The following IGF2 variants were observed in gnomAD, a reference collection of about 807,000 sequenced individuals.
IGF2 encodes the protein insulin-like growth factor 2.
IGF2 carries 2 observed loss-of-function variants against 12.0 expected under a neutral mutation model. That is an observed-to-expected ratio of 0.17 (90% CI 0.07 to 0.52). The LOEUF is 0.52. Ranked by LOEUF, IGF2 falls within the 20% of genes least tolerant of loss-of-function variation. IGF2 has a pLI of 0.95. For synonymous variants in IGF2, 105 were observed against 110.1 expected, an observed-to-expected ratio of 0.95 and a Z score of 0.29; for missense variants, 211 against 268.0, an observed-to-expected ratio of 0.79 and a Z score of 1.48.
upstream of IGF2, chr11:2,146,211 A>G: frequency 1.9e-6 from 1 of 526,000 alleles, no homozygotes; most frequent in Non-Finnish European, 3.8e-6. Flanking sequence ...ACCAGCCCTG[A>G]AGTGGGCCTT....
upstream of IGF2, among the ~76,000 whole-genome samples, chr11:2,142,070 G>A (rs1313823567): frequency 2.6e-5 from 4 of 152,100 alleles, no homozygotes; most frequent in South Asian, 2.1e-4. This position sits in a 1 kb window ranked among gnomAD's most constrained non-coding sequence, Gnocchi z 5.7. Context: ...CTTATAGGTC[G>A]CAGGTTTTTC....
Position 2,131,968 on chromosome 11 carries a change from ATG to A in IGF2, c.*1017_*1018del, listed in dbSNP as rs375635884. The stretch of plus-strand genomic sequence containing the variant: ...CCGTGCGTTTGTGTGCTGTGTGTGC[ATG>A]TGTGTGCGTGTGTGTGCTGTGCGTT... On this transcript the variant is annotated 3_prime_UTR_variant, in exon 4 of 4. Coordinates refer to ENST00000416167, the MANE Select transcript of IGF2 (RefSeq NM_000612.6). 1,128 of 97,060 alleles carry A rather than the reference ATG, an allele frequency of 0.012. 15 individuals are homozygous for A. Among genetic ancestry groups the A allele is most frequent in the African/African-American group, 0.057 (1,063 of 18,522 alleles). The allele number at this position is 97,060 out of a possible 1,614,324, so 6.0% of individuals were successfully genotyped here.
At chr11:2,135,340 C>G in intron 2 of IGF2, 27 bp downstream of exon 2, 7 of 1,582,832 alleles carry the variant, frequency 4.4e-6, no homozygotes, top group Non-Finnish European at 6.0e-6. Flanking sequence ...CTGACCAGGT[C>G]TGAGGAAGCC....
the IGF2 span, chr11:2,147,328 G>T: frequency 2.7e-6 from 1 of 373,370 alleles, no homozygotes; most frequent in East Asian, 3.9e-5. The surrounding 1 kb of genome is among the most constrained non-coding windows in gnomAD (Gnocchi z 7.2). Context: ...GAGCTCCCCT[G>T]CCAGGACCTC....
At chr11:2,136,890 G>A (rs897536819) in intron 1 of IGF2, among the ~76,000 whole-genome samples, 4 of 152,362 alleles carry the variant, frequency 2.6e-5, no homozygotes, top group African/African-American at 9.6e-5. Context: ...TCAGGGGACC[G>A]GCAGAAAGCA....
chr11:2,135,699 CG>C (rs1271716225), intron 1 of IGF2, among the ~76,000 whole-genome samples, 170 bp from the exon 2 acceptor site: 5 of 152,216 alleles, frequency 3.3e-5, no homozygotes, highest in Non-Finnish European at 7.4e-5. Flanking sequence ...GTCATAATGC[CG>C]AGGTGAGGGC....
chr11:2,135,889 G>A (rs1216213363), intron 1 of IGF2, among the ~76,000 whole-genome samples: 12 of 152,280 alleles, frequency 7.9e-5, no homozygotes, highest in Admixed American at 4.6e-4. Flanking sequence ...CCTGGCCTCC[G>A]TCCTATGACA....
chr11:2,149,129 T>G, the IGF2 span: 100 of 1,612,936 alleles, frequency 6.2e-5, no homozygotes, highest in African/African-American at 1.3e-3. Flanking sequence ...CAGTTACCTG[T>G]ACTCTAGTCC....
the IGF2 span, chr11:2,147,300 C>T: frequency 2.9e-6 from 1 of 345,158 alleles, no homozygotes. The surrounding 1 kb of genome is among the most constrained non-coding windows in gnomAD (Gnocchi z 7.2). Flanking sequence ...CCCTTCTTTG[C>T]CCTCTTTCGT....
In IGF2 at chr11:2,131,886, TTGTGTG is replaced by T. The variant is rs1361799148; in HGVS notation, c.*1095_*1100del. 55 of 150,740 alleles carry T rather than the reference TTGTGTG, an allele frequency of 3.6e-4. No individual in the cohort carries two copies. The highest frequency in any genetic ancestry group is 5.2e-4 in the Non-Finnish European group (42 of 80,704). 9.3% of individuals were successfully genotyped at this position (150,740 alleles called of 1,614,324 possible). Reference sequence around the variant, plus strand: ...CTGTGTGTGCGTGTGTGCTGTGCGTTTGTGTGTGCTGTGCGTTTGTGTGTGTGCTGT... The same window carrying T: ...CTGTGTGTGCGTGTGTGCTGTGCGTTTGCTGTGCGTTTGTGTGTGTGCTGT... On this transcript the variant is annotated 3_prime_UTR_variant, in exon 4 of 4. Coordinates refer to ENST00000416167, the MANE Select transcript of IGF2 (RefSeq NM_000612.6).
rs1858790303 is a variant in IGF2 at position 2,133,728 on chromosome 11, C to T, written c.158-63G>A. On this transcript the variant is annotated intron_variant, in intron 2 of 3. Transcript: ENST00000416167. This position sits in a 1 kb window ranked among gnomAD's most constrained non-coding sequence, Gnocchi z 8.9. Reference sequence around the variant, plus strand: ...CCGCACTGACCCCAGCCCCCGGAGGCTGAAGGGGGAGCAAACCACCCCTGC... The same window carrying T: ...CCGCACTGACCCCAGCCCCCGGAGGTTGAAGGGGGAGCAAACCACCCCTGC... The T allele has an allele frequency of 5.0e-6, 8 of 1,589,618 alleles. No individual in the cohort carries two copies. The highest frequency in any genetic ancestry group is 6.0e-6 in the Non-Finnish European group (7 of 1,168,214).
In IGF2 at chr11:2,131,838, T is replaced by G. The variant is rs1202220963; in HGVS notation, c.*1149A>C. 5.1e-6 allele frequency: 1 copy of G among 196,984 alleles called. No individual in the cohort carries two copies. The highest frequency in any genetic ancestry group is 1.0e-5 in the Non-Finnish European group (1 of 97,504). 12.2% of individuals were successfully genotyped at this position (196,984 alleles called of 1,614,324 possible). On this transcript the variant is annotated 3_prime_UTR_variant, in exon 4 of 4. Transcript: ENST00000416167. The stretch of plus-strand genomic sequence containing the variant: ...TGTGTGTGCGTGTGCTGTGCGTTTG[T>G]GTGCTGTGTGCTCGTGTGTGTGCTG...
At position 2,129,381 on chromosome 11, in the gene IGF2, G is replaced by A. The variant is rs982977157; in HGVS notation, c.*3606C>T. Reference sequence around the variant, plus strand: ...GGGAGGAGACAAGATGGAGAGCCACGACTAGGCACGGAGGTCAGACAGGCA... The same window carrying A: ...GGGAGGAGACAAGATGGAGAGCCACAACTAGGCACGGAGGTCAGACAGGCA... On this transcript the variant is annotated 3_prime_UTR_variant, in exon 4 of 4. Transcript: ENST00000416167. This position sits in a 1 kb window ranked among gnomAD's most constrained non-coding sequence, Gnocchi z 8.1. 2 of 227,840 alleles carry A rather than the reference G, an allele frequency of 8.8e-6. No homozygotes were observed. Among genetic ancestry groups the A allele is most frequent in the East Asian group, 6.3e-5 (1 of 15,968 alleles). The allele number at this position is 227,840 out of a possible 1,614,324, so 14.1% of individuals were successfully genotyped here. A position where few individuals can be genotyped will look rare whatever the true frequency, so the allele number is the denominator to read the frequency against.
chr11:2,142,327 C>G (rs17881164), upstream of IGF2, among the ~76,000 whole-genome samples: 2,026 of 152,096 alleles, frequency 0.013, 43 homozygotes, highest in African/African-American at 0.046. The surrounding 1 kb of genome is among the most constrained non-coding windows in gnomAD (Gnocchi z 5.7). Flanking sequence ...ATCTAAAGAT[C>G]TAGGGAAGTT....
At chr11:2,134,804 C>G (rs1858880234) in intron 2 of IGF2, among the ~76,000 whole-genome samples, 1 of 152,304 alleles carries the variant, frequency 6.6e-6, no homozygotes, top group Non-Finnish European at 1.5e-5. Flanking sequence ...TGAGGAAAGG[C>G]TGAAGCGTCC....
chr11:2,140,900 GC>G (rs1859541805), upstream of IGF2: 1 of 379,832 alleles, frequency 2.6e-6, no homozygotes. Context: ...AGGAGCTCAG[GC>G]AGCGAGCGAT....
At position 2,133,988 on chromosome 11, in the gene IGF2, GA is replaced by G; in HGVS notation, c.158-324del. The G allele has an allele frequency of 2.1e-6, 1 of 470,812 alleles. No individual in the cohort carries two copies. Among genetic ancestry groups the G allele is most frequent in the Non-Finnish European group, 4.0e-6 (1 of 252,076 alleles). The allele number at this position is 470,812 out of a possible 1,614,324, so 29.2% of individuals were successfully genotyped here. On this transcript the variant is annotated intron_variant, in intron 2 of 3. Transcript: ENST00000416167. This position sits in a 1 kb window ranked among gnomAD's most constrained non-coding sequence, Gnocchi z 8.9. Reference sequence around the variant, plus strand: ...AAAGGCTCACAATGGGAGTGGTTTGGAAAATGTGTGGGATGTGAGCCCAGTT... The same window carrying G: ...AAAGGCTCACAATGGGAGTGGTTTGGAAATGTGTGGGATGTGAGCCCAGTT...
chr11:2,140,029 G>T, upstream of IGF2: 1 of 1,155,664 alleles, frequency 8.7e-7, no homozygotes. Context: ...GGGACGCGCG[G>T]AAGGCCGGCT....
rs762424041 is a variant in IGF2, at chr11:2,129,970, C to T, written c.*3017G>A. The T allele has an allele frequency of 1.3e-5, 3 of 231,340 alleles. No individual in the cohort carries two copies. Among genetic ancestry groups the T allele is most frequent in the African/African-American group, 6.6e-5 (3 of 45,290 alleles). 14.3% of individuals were successfully genotyped at this position (231,340 alleles called of 1,614,324 possible). ...CTCTCCTGCTCTGTGGGCTCAGACC[C>T]GCCTGACCTCCCTACTCCCCGGCCT... On this transcript the variant is annotated 3_prime_UTR_variant, in exon 4 of 4. Coordinates refer to ENST00000416167, the MANE Select transcript of IGF2 (RefSeq NM_000612.6). This position sits in a 1 kb window ranked among gnomAD's most constrained non-coding sequence, Gnocchi z 8.1.
Sources: gnomAD v4.1 joint callset for allele counts (sites outside exome capture counted in the v4.1 genomes callset) on GRCh38, gnomAD v4.1.1 for gene constraint, Gnocchi (gnomAD v3.1) non-coding constraint, MANE v1.5 for transcripts, NCBI Gene and HGNC (gene_info 2026-07-23, HGNC 2026-07-21) for gene names.